Variants in ZNF736 observed in about 807,000 individuals in gnomAD.
ZNF736 encodes zinc finger protein 736, also known as KRAB-containing zinc-finger repressor protein.
A neutral mutation model predicts 11.7 loss-of-function variants in ZNF736; 6 were observed. The ratio of observed to expected loss-of-function variants is 0.51; its 90% confidence interval spans 0.28 to 1.01. ZNF736 has a LOEUF of 1.01. Ranked by LOEUF, ZNF736 falls within the 50% of genes least tolerant of loss-of-function variation. The pLI, the probability that ZNF736 is intolerant of heterozygous loss-of-function variation, is 0.09. For synonymous variants in ZNF736, 139 were observed against 164.7 expected (o/e 0.84, Z 1.19); for missense variants, 444 against 496.0 (o/e 0.90, Z 1.00).
chr7:64,345,807 T>A (rs182227943), intron 3 of ZNF736, among the ~76,000 whole-genome samples: 42 of 152,090 alleles, frequency 2.8e-4, no homozygotes, highest in Admixed American at 1.2e-3. Flanking sequence ...CTTCTGTTAC[T>A]GATTTCTAGT....
Position 64,334,746 on chromosome 7 carries a change from G to C in ZNF736, c.4-1513G>C, listed in dbSNP as rs2115924290. 4.6e-5 allele frequency among the ~76,000 whole-genome samples: 7 copies of C among 152,290 alleles called. 1 individual carries two copies. The East Asian group carries it at 1.4e-3, about 29-fold the overall frequency. ...AGTGTGGTGATTCCTCAAGGATCTAGAACCAGAAATACCATTTGACCCAGC... is the reference window on the plus strand; with the variant it reads ...AGTGTGGTGATTCCTCAAGGATCTACAACCAGAAATACCATTTGACCCAGC... On this transcript the variant is annotated intron_variant, in intron 1 of 3. Transcript: ENST00000423484.
Position 64,337,237 on chromosome 7 carries a change from GT to G in ZNF736, c.226+258del, listed in dbSNP as rs377304034. 1.7e-3 allele frequency: 775 copies of G among 453,348 alleles called. 4 individuals carry two copies. The highest frequency in any genetic ancestry group is 0.012 in the African/African-American group (574 of 49,044). The allele number at this position is 453,348 out of a possible 1,614,324, so 28.1% of individuals were successfully genotyped here. ...TGTTTTGTTTTGTTTTTTGTTTTTAGTTTACAGCAATAATGAAAGTCTTTCA... is the reference window on the plus strand; with the variant it reads ...TGTTTTGTTTTGTTTTTTGTTTTTAGTTACAGCAATAATGAAAGTCTTTCA... On this transcript the variant is annotated intron_variant, in intron 3 of 3. Coordinates refer to ENST00000423484, the MANE Select transcript of ZNF736 (RefSeq NM_001170905.3).
In ZNF736 at chr7:64,332,106, A is replaced by G. The variant is rs147730290; in HGVS notation, c.4-4153A>G. Among the ~76,000 whole-genome samples the G allele has an allele frequency of 3.8e-3, 576 of 152,310 alleles. 3 individuals are homozygous for G. Among genetic ancestry groups the G allele is most frequent in the African/African-American group, 0.012 (503 of 41,556 alleles). On this transcript the variant is annotated intron_variant, in intron 1 of 3. Coordinates refer to ENST00000423484, the MANE Select transcript of ZNF736 (RefSeq NM_001170905.3). ...GAAGGGATCACAGAGAAGGAGAAAA[A>G]GAAAGAAATGGCTTATTCTGAGGTG...
chr7:64,314,173 G>A lies in ZNF736; in HGVS notation c.3+20G>A. 4 of 1,551,876 alleles carry A rather than the reference G, an allele frequency of 2.6e-6. No individual in the cohort carries two copies. Among genetic ancestry groups the A allele is most frequent in the South Asian group, 2.4e-5 (2 of 84,052 alleles). ...GAAATGGTGAGTGCGTGGAGTGGGT[G>A]TCCCGAGAATGGGGAAGAGGCTGTT... On this transcript the variant is annotated intron_variant, in intron 1 of 3. Coordinates refer to ENST00000423484, the MANE Select transcript of ZNF736 (RefSeq NM_001170905.3).
Position 64,348,746 on chromosome 7 carries a change from A to T in ZNF736, c.883A>T (p.Arg295Trp). ...ATGTGAAGAATGTAACAAAGCCTAT[A>T]GGTGGTTCTCAGACCTTGCTAAACA... Reference protein sequence around the residue: ...YKCEECNKAYRWFSDLAKHKI... With the variant: ...YKCEECNKAYWWFSDLAKHKI... The change falls in exon 4 of 4, where the codon AGG becomes TGG. Residue 295 changes from arginine (R) to tryptophan (W), a missense_variant. Physicochemically the swap from Arg to Trp is moderately radical, Grantham distance 101. Transcript: ENST00000423484. The T allele has an allele frequency of 6.2e-7, 1 of 1,602,626 alleles. No individual in the cohort carries two copies. Among genetic ancestry groups the T allele is most frequent in the South Asian group, 1.1e-5 (1 of 90,000 alleles).
At chr7:64,318,648 A>C (rs1468213154) in intron 1 of ZNF736, among the ~76,000 whole-genome samples, 1 of 152,212 alleles carries the variant, frequency 6.6e-6, no homozygotes, top group African/African-American at 2.4e-5. Context: ...ATGTTTACCA[A>C]AAGATTTACT....
intron 1 of ZNF736, among the ~76,000 whole-genome samples, chr7:64,319,151 G>C (rs1427670656): frequency 6.6e-6 from 1 of 151,686 alleles, no homozygotes; most frequent in Non-Finnish European, 1.5e-5. Flanking sequence ...ATGTCGGCAA[G>C]AGAAGAAACG....
chr7:64,319,325 GTGTATGTGTATATATA>G (rs1562666645), intron 1 of ZNF736, among the ~76,000 whole-genome samples: 1 of 70,348 alleles, frequency 1.4e-5, no homozygotes, highest in Non-Finnish European at 2.7e-5. Context: ...ATGTGTGTGT[GTGTATGTGTATATATA>G]TATATATATA....
At chr7:64,329,469 G>T (rs1789129159) in intron 1 of ZNF736, among the ~76,000 whole-genome samples, 1 of 152,130 alleles carries the variant, frequency 6.6e-6, no homozygotes, top group African/African-American at 2.4e-5. Flanking sequence ...TCTGCATTAG[G>T]GGGCACCCCA....
intron 3 of ZNF736, among the ~76,000 whole-genome samples, chr7:64,342,307 A>C (rs1403356810): frequency 6.6e-6 from 1 of 152,182 alleles, no homozygotes; most frequent in Non-Finnish European, 1.5e-5. Flanking sequence ...ATCATACAGA[A>C]AATGAAAGTG....
chr7:64,348,144 C>G lies in ZNF736; in HGVS notation c.281C>G (p.Ser94Ter), dbSNP rs768761664. ...EILPDHDIKD[S>*]FQKVILRKYG... ...TTGCCGGATCATGACATAAAAGATT[C>G]ATTTCAAAAAGTGATTCTGAGAAAA... The change falls in exon 4 of 4, where the codon TCA (serine) becomes TGA (stop). Residue 94 changes from serine (S) to a stop codon, truncating the protein, a stop_gained. Coordinates refer to ENST00000423484, the MANE Select transcript of ZNF736 (RefSeq NM_001170905.3). LOFTEE classifies it low-confidence loss of function (END_TRUNC). 2 of 1,547,000 alleles carry G rather than the reference C, an allele frequency of 1.3e-6. No homozygotes were observed. Among genetic ancestry groups the G allele is most frequent in the East Asian group, 4.9e-5 (2 of 40,898 alleles).
chr7:64,355,945 T>G lies in ZNF736; in HGVS notation c.*6798T>G, dbSNP rs535853444. On this transcript the variant is annotated 3_prime_UTR_variant, in exon 4 of 4. Transcript: ENST00000423484. Reference sequence around the variant, plus strand: ...GATCAGCCTTCAGTTCTGGGTTGATTTGGGGGCAATTGGATGATATATAGA... The same window carrying G: ...GATCAGCCTTCAGTTCTGGGTTGATGTGGGGGCAATTGGATGATATATAGA... The G allele has an allele frequency of 5.3e-6, 1 of 190,438 alleles. No homozygotes were observed. The highest frequency in any genetic ancestry group is 1.2e-5 in the Non-Finnish European group (1 of 86,206). The allele number at this position is 190,438 out of a possible 1,614,324, so 11.8% of individuals were successfully genotyped here.
chr7:64,326,131 T>TAAAAAAAAAAAAAAAAAAAAGAC (rs1789079249), intron 1 of ZNF736, among the ~76,000 whole-genome samples: 1 of 152,192 alleles, frequency 6.6e-6, no homozygotes, highest in Non-Finnish European at 1.5e-5. Flanking sequence ...CTTTCTCTTG[T>TAAAAAAAAAAAAAAAAAAAAGAC]ACCATTTTAG....
chr7:64,323,683 T>C (rs1211247606), intron 1 of ZNF736, among the ~76,000 whole-genome samples: 1 of 152,072 alleles, frequency 6.6e-6, no homozygotes, highest in Non-Finnish European at 1.5e-5. Context: ...AAGTGGAAGC[T>C]GAATGATGAG....
chr7:64,337,966 G>A (rs1271861751), intron 3 of ZNF736, among the ~76,000 whole-genome samples: 2 of 152,034 alleles, frequency 1.3e-5, no homozygotes, highest in Non-Finnish European at 2.9e-5. Context: ...TATTGGTCAG[G>A]CTGGTCTCGA....
rs1198716683 is a variant in ZNF736 at position 64,348,862 on chromosome 7, A to G, written c.999A>G (p.Arg333=). ...KWFSALSKHK[R]IHTGEKPYIC... ...TCTCGGCCCTTAGTAAACATAAGAG[A>G]ATTCATACTGGAGAGAAACCCTACA... The change falls in exon 4 of 4, where the codon AGA becomes AGG. Residue 333 remains arginine (R), a synonymous_variant. Transcript: ENST00000423484. The G allele has an allele frequency of 2.5e-6, 4 of 1,606,124 alleles. No homozygotes were observed. The Admixed American group carries it at 6.8e-5, about 27-fold the overall frequency.
At chr7:64,331,460 G>A (rs560500909) in intron 1 of ZNF736, among the ~76,000 whole-genome samples, 25 of 152,290 alleles carry the variant, frequency 1.6e-4, no homozygotes, top group Admixed American at 1.4e-3. Flanking sequence ...GCAATTAACA[G>A]CTTTCTTTTT....
intron 3 of ZNF736, chr7:64,337,259 T>G: frequency 2.5e-6 from 1 of 397,988 alleles, no homozygotes; most frequent in Non-Finnish European, 4.5e-6. Flanking sequence ...AATGAAAGTC[T>G]TTCATGGCTT....
Position 64,349,602 on chromosome 7 carries a change from T to C in ZNF736, c.*455T>C, listed in dbSNP as rs561148807. 183 of 155,930 alleles carry C rather than the reference T, an allele frequency of 1.2e-3. 1 individual carries two copies. The highest frequency in any genetic ancestry group is 2.9e-3 in the Admixed American group (47 of 15,982). The allele number at this position is 155,930 out of a possible 1,614,324, so 9.7% of individuals were successfully genotyped here. A position where few individuals can be genotyped will look rare whatever the true frequency, so the allele number is the denominator to read the frequency against. ...CATATGTGTGGATTGGATTCTGTTA[T>C]TAGGATCTTAGCTGGCTATTTTGCA... On this transcript the variant is annotated 3_prime_UTR_variant, in exon 4 of 4. Transcript: ENST00000423484.
Sources: allele counts gnomAD v4.1 joint callset (sites outside exome capture counted in the v4.1 genomes callset), GRCh38; gene constraint gnomAD v4.1.1; transcripts MANE v1.5; gene names NCBI Gene and HGNC (gene_info 2026-07-23, HGNC 2026-07-21).